Variants in DYSF observed in about 807,000 individuals in gnomAD.
DYSF encodes the protein dysferlin, also known as dystrophy-associated fer-1-like 1.
Under a neutral mutation model 274.9 loss-of-function variants are expected in DYSF, and 212 were observed. The observed-to-expected ratio is 0.77, with a 90% CI of 0.69 to 0.86. The LOEUF (loss-of-function observed/expected upper bound fraction) is 0.86, where lower values mean the gene tolerates loss of function less well. DYSF is among the 40% of genes least tolerant of loss of function. The pLI, the probability that DYSF is intolerant of heterozygous loss-of-function variation, is 0.00. For missense variants in DYSF, 2,666 were observed against 2,783.2 expected, an observed-to-expected ratio of 0.96 and a Z score of 0.95; for synonymous variants, 1,091 against 1,078.7, an observed-to-expected ratio of 1.01 and a Z score of -0.22.
intron 1 of DYSF, among the ~76,000 whole-genome samples, chr2:71,456,121 C>A (rs2081052187): frequency 6.6e-6 from 1 of 152,156 alleles, no homozygotes; most frequent in African/African-American, 2.4e-5. Flanking sequence ...CTCCCCACCC[C>A]CATCTGCTTT....
At chr2:71,470,313 G>C in intron 1 of DYSF, among the ~76,000 whole-genome samples, 1 of 152,164 alleles carries the variant, frequency 6.6e-6, no homozygotes, top group Non-Finnish European at 1.5e-5. Context: ...CCTATGTAGG[G>C]AAAGTGGGCT....
intron 41 of DYSF, among the ~76,000 whole-genome samples, chr2:71,639,833 G>C (rs1381443400): frequency 6.6e-6 from 1 of 152,160 alleles, no homozygotes; most frequent in Non-Finnish European, 1.5e-5. Context: ...GGCCATCCGT[G>C]CCCCACCAGC....
intron 14 of DYSF, among the ~76,000 whole-genome samples, chr2:71,532,476 C>T (rs906052285): frequency 2.6e-5 from 4 of 152,182 alleles, no homozygotes; most frequent in Admixed American, 2.6e-4. Flanking sequence ...CATGGTGTGG[C>T]CCTGGCTGAG....
In DYSF at chr2:71,612,815, AGGGGAGATGATGGGCAGGTCAGGGAAG is replaced by A. The variant is rs750290973; in HGVS notation, c.4387+16_4387+42del. ...CCCACAGGGTGGCCCAGGTAGGGGA[AGGGGAGATGATGGGCAGGTCAGGGAAG>A]GGGGAGCCTCAGGGCCAAGCTACCC... On this transcript the variant is annotated intron_variant, in intron 39 of 55. Transcript: ENST00000410020. 1,008 of 1,608,748 alleles carry A rather than the reference AGGGGAGATGATGGGCAGGTCAGGGAAG, an allele frequency of 6.3e-4. No homozygotes were observed. Among genetic ancestry groups the A allele is most frequent in the Non-Finnish European group, 8.1e-4 (953 of 1,175,812 alleles).
chr2:71,663,973 G>A lies in DYSF; in HGVS notation c.5004-295G>A, dbSNP rs559655789. Reference sequence around the variant, plus strand: ...CTTGCATCTGTTGTCTCCTGGTGTCGTGGTCAAAGCTTCAGTTTTAATGTG... The same window carrying A: ...CTTGCATCTGTTGTCTCCTGGTGTCATGGTCAAAGCTTCAGTTTTAATGTG... On this transcript the variant is annotated intron_variant, in intron 45 of 55. Coordinates refer to ENST00000410020, the MANE Select transcript of DYSF (RefSeq NM_001130987.2). Among the ~76,000 whole-genome samples the A allele has an allele frequency of 3.3e-5, 5 of 152,284 alleles. No homozygotes were observed. The East Asian group carries it at 5.8e-4, about 18-fold the overall frequency.
intron 3 of DYSF, among the ~76,000 whole-genome samples, chr2:71,502,145 T>C (rs879277322): frequency 1.6e-4 from 24 of 151,598 alleles, no homozygotes; most frequent in Non-Finnish European, 3.1e-4. Flanking sequence ...TCCTAATGGA[T>C]GTGAAGTAGT....
intron 17 of DYSF, among the ~76,000 whole-genome samples, chr2:71,544,383 C>T (rs965672722): frequency 6.6e-6 from 1 of 151,702 alleles, no homozygotes; most frequent in Non-Finnish European, 1.5e-5. Flanking sequence ...TCTCCAGATT[C>T]TAGATCTGTA....
intron 16 of DYSF, 45 bp from the exon 17 acceptor site, chr2:71,539,112 C>T: frequency 1.3e-6 from 2 of 1,561,990 alleles, no homozygotes; most frequent in Non-Finnish European, 1.8e-6. Context: ...CTGTGGCCTG[C>T]AGTTCCTTTC....
intron 12 of DYSF, among the ~76,000 whole-genome samples, 185 bp from the exon 13 acceptor site, chr2:71,526,035 T>A (rs1303237216): frequency 6.6e-6 from 1 of 152,208 alleles, no homozygotes; most frequent in Non-Finnish European, 1.5e-5. Context: ...TCTGCTGTAC[T>A]CAAGAGGAAG....
At chr2:71,683,764 G>C (rs4852820) in intron 55 of DYSF, among the ~76,000 whole-genome samples, 2,795 of 152,352 alleles carry the variant, frequency 0.018, 158 homozygotes, top group Admixed American at 0.12. Context: ...TGGCAGACAG[G>C]CTGCTTGGGG....
At chr2:71,505,261 G>C (rs1559026620) in intron 4 of DYSF, among the ~76,000 whole-genome samples, 1 of 152,224 alleles carries the variant, frequency 6.6e-6, no homozygotes, top group Non-Finnish European at 1.5e-5. Flanking sequence ...ACTGTAGTGC[G>C]AGGCAGGGAT....
chr2:71,605,227 C>G (rs189968785), intron 36 of DYSF, among the ~76,000 whole-genome samples: 4 of 152,244 alleles, frequency 2.6e-5, no homozygotes, highest in African/African-American at 9.6e-5. Flanking sequence ...CCTCCTTCTC[C>G]CCGCCTCTTC....
At chr2:71,593,766 G>A (rs188690255) in intron 32 of DYSF, among the ~76,000 whole-genome samples, 68 of 152,252 alleles carry the variant, frequency 4.5e-4, no homozygotes, top group African/African-American at 1.6e-3. Context: ...AGAGCTGCCC[G>A]CCCAGATGGA....
intron 14 of DYSF, among the ~76,000 whole-genome samples, chr2:71,529,107 G>A (rs2088343227): frequency 6.6e-6 from 1 of 152,174 alleles, no homozygotes; most frequent in South Asian, 2.1e-4. Context: ...AGCCCTGGAG[G>A]GAGTCATTTT....
At chr2:71,617,312 G>A (rs932791729) in intron 40 of DYSF, among the ~76,000 whole-genome samples, 1 of 152,190 alleles carries the variant, frequency 6.6e-6, no homozygotes, top group Non-Finnish European at 1.5e-5. Context: ...TCAAATGAGT[G>A]ATGTCAAAGT....
intron 20 of DYSF, 23 bp from the exon 21 acceptor site, chr2:71,553,784 T>G (rs747853012): frequency 8.9e-6 from 9 of 1,016,394 alleles, no homozygotes; most frequent in Non-Finnish European, 1.2e-5. Flanking sequence ...GGCACAGCGC[T>G]CAGGCCCGTC....
intron 41 of DYSF, among the ~76,000 whole-genome samples, chr2:71,632,700 C>G (rs1479702959): frequency 6.6e-6 from 1 of 152,186 alleles, no homozygotes; most frequent in African/African-American, 2.4e-5. Context: ...CATTCACCTA[C>G]TGGCTAGGTT....
chr2:71,564,037 C>T (rs573271248), intron 23 of DYSF, 21 bp from the exon 24 acceptor site: 28 of 1,613,576 alleles, frequency 1.7e-5, no homozygotes, highest in Admixed American at 1.0e-4. Context: ...ATCCCCACCC[C>T]GACCACCACC....
intron 53 of DYSF, 59 bp downstream of exon 53, chr2:71,679,294 T>G: frequency 1.3e-6 from 2 of 1,554,508 alleles, no homozygotes; most frequent in Non-Finnish European, 1.8e-6. Flanking sequence ...TCCATAGAAA[T>G]TGTCAGAAAA....
Sources: allele counts gnomAD v4.1 joint callset (sites outside exome capture counted in the v4.1 genomes callset), GRCh38; gene constraint gnomAD v4.1.1; transcripts MANE v1.5; gene names NCBI Gene and HGNC (gene_info 2026-07-23, HGNC 2026-07-21).